ELOVL6: variants seen among roughly 807,000 people sequenced by gnomAD.
ELOVL6 encodes the protein very long chain fatty acid elongase 6.
A neutral mutation model predicts 31.7 loss-of-function variants in ELOVL6; 8 were observed. That is an observed-to-expected ratio of 0.25 (90% CI 0.15 to 0.45). ELOVL6 has a LOEUF of 0.45. ELOVL6 is among the 20% of genes least tolerant of loss of function. The pLI, the probability that ELOVL6 is intolerant of heterozygous loss-of-function variation, is 1.00. For missense variants in ELOVL6, 126 were observed against 326.4 expected, an observed-to-expected ratio of 0.39 and a Z score of 4.73; for synonymous variants, 101 against 117.7, an observed-to-expected ratio of 0.86 and a Z score of 0.92.
intron 1 of ELOVL6, among the ~76,000 whole-genome samples, chr4:110,130,047 G>A (rs1339810489): frequency 6.6e-6 from 1 of 151,608 alleles, no homozygotes; most frequent in African/African-American, 2.4e-5. Context: ...ACAGTCATGC[G>A]CCACCATGCC....
chr4:110,104,241 G>A (rs1342526785), intron 2 of ELOVL6, among the ~76,000 whole-genome samples: 1 of 152,126 alleles, frequency 6.6e-6, no homozygotes, highest in Non-Finnish European at 1.5e-5. Flanking sequence ...TTCAGGTGAG[G>A]CATACTCTGT....
chr4:110,149,099 A>G (rs1020775537), intron 1 of ELOVL6, among the ~76,000 whole-genome samples: 3 of 152,172 alleles, frequency 2.0e-5, no homozygotes, highest in African/African-American at 7.2e-5. Context: ...TGGGCTCAAG[A>G]GATCCACCCA....
At chr4:110,171,468 T>C (rs1258016028) in intron 1 of ELOVL6, among the ~76,000 whole-genome samples, 2 of 151,286 alleles carry the variant, frequency 1.3e-5, no homozygotes, top group Admixed American at 1.3e-4. Flanking sequence ...CATACCTTTT[T>C]TGTCCAATCA....
intron 3 of ELOVL6, 26 bp downstream of exon 3, chr4:110,059,577 G>A (rs768976825): frequency 5.6e-6 from 9 of 1,602,756 alleles, no homozygotes; most frequent in Non-Finnish European, 8.5e-7. Context: ...CAAAGAGAGG[G>A]AGAGGAAATG....
rs1018323526 is a variant in ELOVL6 at position 110,114,508 on chromosome 4, A to C, written c.90-8880T>G. ...TGGTCCTCTAATTTCTACTAAATGTAGAAATAATGACTGGAACTTGGAGGT... is the reference window on the plus strand; with the variant it reads ...TGGTCCTCTAATTTCTACTAAATGTCGAAATAATGACTGGAACTTGGAGGT... On this transcript the variant is annotated intron_variant, in intron 1 of 3. Coordinates refer to ENST00000302274, the MANE Select transcript of ELOVL6 (RefSeq NM_024090.3). 3.9e-5 allele frequency among the ~76,000 whole-genome samples: 6 copies of C among 152,298 alleles called. No homozygotes were observed. The East Asian group carries it at 1.2e-3, about 29-fold the overall frequency.
chr4:110,186,595 G>C (rs540188898), intron 1 of ELOVL6, among the ~76,000 whole-genome samples: 117 of 151,772 alleles, frequency 7.7e-4, no homozygotes, highest in African/African-American at 2.8e-3. Flanking sequence ...CTTAAGGTCA[G>C]GAGTTCGAGA....
At chr4:110,198,882 G>A (rs1759906958), upstream of ELOVL6, 1 of 152,502 alleles carries the variant, frequency 6.6e-6, no homozygotes, top group African/African-American at 2.4e-5. Flanking sequence ...TCAGCTTGCA[G>A]GGCGCATCCC....
chr4:110,121,387 T>C (rs1336299020), intron 1 of ELOVL6, among the ~76,000 whole-genome samples: 1 of 152,228 alleles, frequency 6.6e-6, no homozygotes, highest in Non-Finnish European at 1.5e-5. Flanking sequence ...ATCTAGACTA[T>C]GGTAAAGAAG....
intron 1 of ELOVL6, among the ~76,000 whole-genome samples, chr4:110,165,482 G>T (rs994918291): frequency 6.6e-6 from 1 of 152,124 alleles, no homozygotes; most frequent in African/African-American, 2.4e-5. Context: ...AGCTACTGCT[G>T]CTCATCAAAT....
chr4:110,103,365 T>C (rs776713044), intron 2 of ELOVL6, among the ~76,000 whole-genome samples: 16 of 152,044 alleles, frequency 1.1e-4, no homozygotes, highest in Non-Finnish European at 2.1e-4. Flanking sequence ...ATCAAAATCA[T>C]ATCTCAAAAT....
intron 1 of ELOVL6, among the ~76,000 whole-genome samples, chr4:110,141,072 G>GT (rs930785243): frequency 3.3e-5 from 5 of 150,896 alleles, no homozygotes; most frequent in African/African-American, 4.9e-5. Context: ...GGTTTTTTTT[G>GT]TTTTTTTTGA....
intron 1 of ELOVL6, among the ~76,000 whole-genome samples, chr4:110,124,074 G>A (rs762610807): frequency 4.6e-5 from 7 of 152,078 alleles, no homozygotes; most frequent in Non-Finnish European, 7.4e-5. Context: ...AAGGTACCAC[G>A]GTAAAGTCTT....
At chr4:110,161,706 A>G (rs1758635773) in intron 1 of ELOVL6, among the ~76,000 whole-genome samples, 1 of 152,216 alleles carries the variant, frequency 6.6e-6, no homozygotes, top group South Asian at 2.1e-4. Context: ...ATGTTAGATA[A>G]GCTTCATTCA....
chr4:110,118,870 C>G (rs1050401215), intron 1 of ELOVL6, among the ~76,000 whole-genome samples: 5 of 152,200 alleles, frequency 3.3e-5, no homozygotes, highest in South Asian at 2.1e-4. Context: ...AGTTTGAGAC[C>G]AGCCTGGGCA....
At chr4:110,112,922 C>G (rs72617756) in intron 1 of ELOVL6, among the ~76,000 whole-genome samples, 31,238 of 151,502 alleles carry the variant, frequency 0.21, 3,530 homozygotes, top group East Asian at 0.43. Context: ...AATTTTTTAT[C>G]TCCTTAGAGT....
intron 1 of ELOVL6, among the ~76,000 whole-genome samples, chr4:110,196,116 A>G (rs1316821562): frequency 6.6e-6 from 1 of 152,168 alleles, no homozygotes; most frequent in East Asian, 1.9e-4. Flanking sequence ...GTGGCCTCAG[A>G]GAAAAAGCAA....
intron 1 of ELOVL6, among the ~76,000 whole-genome samples, chr4:110,107,077 A>G (rs1056284958): frequency 6.6e-6 from 1 of 152,224 alleles, no homozygotes; most frequent in Non-Finnish European, 1.5e-5. Flanking sequence ...GTGTTCACCT[A>G]AAGAGTATTA....
intron 2 of ELOVL6, among the ~76,000 whole-genome samples, chr4:110,100,028 T>G (rs1053903689): frequency 2.0e-5 from 3 of 152,224 alleles, no homozygotes; most frequent in African/African-American, 7.2e-5. Context: ...AAGGAAATGT[T>G]CAAACACCCA....
At position 110,084,185 on chromosome 4, in the gene ELOVL6, A is replaced by ACATATAACTTATATGACATATATAT. The variant is rs1756066778; in HGVS notation, c.221+21311_221+21312insATATATATGTCATATAAGTTATATG. ...ATATGTGATATATATGATATATATAACATATAACTTATATGATATATATAA... is the reference window on the plus strand; with the variant it reads ...ATATGTGATATATATGATATATATAACATATAACTTATATGACATATATATCATATAACTTATATGATATATATAA... On this transcript the variant is annotated intron_variant, in intron 2 of 3. Transcript: ENST00000302274. Among the ~76,000 whole-genome samples, 26 of 67,588 alleles carry ACATATAACTTATATGACATATATAT rather than the reference A, an allele frequency of 3.8e-4. 3 individuals are homozygous for ACATATAACTTATATGACATATATAT. The South Asian group carries it at 0.012, about 32-fold the overall frequency. The allele number at this position is 67,588 out of a possible 152,430, so 44.3% of individuals were successfully genotyped here.
Sources: gnomAD v4.1 joint callset for allele counts (sites outside exome capture counted in the v4.1 genomes callset) on GRCh38, gnomAD v4.1.1 for gene constraint, MANE v1.5 for transcripts, NCBI Gene and HGNC (gene_info 2026-07-23, HGNC 2026-07-21) for gene names.